CNTNAP5: variants seen among roughly 807,000 people sequenced by gnomAD.
CNTNAP5 encodes the protein contactin associated protein family member 5.
Under a neutral mutation model 150.2 loss-of-function variants are expected in CNTNAP5, and 72 were observed. The ratio of observed to expected loss-of-function variants is 0.48; its 90% CI spans 0.40 to 0.58. The LOEUF (loss-of-function observed/expected upper bound fraction) is 0.58. Ranked by LOEUF, CNTNAP5 falls within the 20% of genes least tolerant of loss-of-function variation. The pLI is 0.00. For synonymous variants in CNTNAP5, 672 were observed against 619.8 expected, an observed-to-expected ratio of 1.08 and a Z score of -1.25; for missense variants, 1,636 against 1,626.2, an observed-to-expected ratio of 1.01 and a Z score of -0.10.
chr2:124,485,599 A>G lies in CNTNAP5; in HGVS notation c.1062+10717A>G, dbSNP rs996938096. On this transcript the variant is annotated intron_variant, in intron 7 of 23. Transcript: ENST00000682447. ...CTGCACTCCAGCCTGGGCGACACAGAAAGACTCTGTCTCAAAAAAAAAAAA... is the reference window on the plus strand; with the variant it reads ...CTGCACTCCAGCCTGGGCGACACAGGAAGACTCTGTCTCAAAAAAAAAAAA... 1.2e-3 allele frequency among the ~76,000 whole-genome samples: 164 copies of G among 135,480 alleles called. 1 individual carries two copies. Among genetic ancestry groups the G allele is most frequent in the Non-Finnish European group, 5.1e-4 (33 of 64,334 alleles). 88.9% of individuals were successfully genotyped at this position (135,480 alleles called of 152,430 possible). A position where few individuals can be genotyped will look rare whatever the true frequency, so the allele number is the denominator to read the frequency against.
At chr2:124,208,668 T>G (rs1489521290) in intron 1 of CNTNAP5, among the ~76,000 whole-genome samples, 1 of 152,180 alleles carries the variant, frequency 6.6e-6, no homozygotes, top group Non-Finnish European at 1.5e-5. Flanking sequence ...TGTCCATTCC[T>G]GACAAATAAA....
At chr2:124,498,304 A>G (rs1694199578) in intron 7 of CNTNAP5, among the ~76,000 whole-genome samples, 1 of 152,188 alleles carries the variant, frequency 6.6e-6, no homozygotes, top group African/African-American at 2.4e-5. Flanking sequence ...TTCTGCAAGA[A>G]AGTTGCAACC....
At chr2:124,385,067 A>G (rs968395662) in intron 3 of CNTNAP5, among the ~76,000 whole-genome samples, 3 of 152,128 alleles carry the variant, frequency 2.0e-5, no homozygotes, top group Admixed American at 1.3e-4. Flanking sequence ...CAGGCACCCA[A>G]CCCTTGAGCA....
intron 1 of CNTNAP5, among the ~76,000 whole-genome samples, chr2:124,080,837 C>T (rs1203891861): frequency 1.3e-5 from 2 of 152,160 alleles, no homozygotes; most frequent in Non-Finnish European, 2.9e-5. Context: ...ACCTTAAAAA[C>T]CATAGACACG....
chr2:124,199,030 C>T (rs1685655687), intron 1 of CNTNAP5, among the ~76,000 whole-genome samples: 1 of 152,136 alleles, frequency 6.6e-6, no homozygotes, highest in South Asian at 2.1e-4. Context: ...CCAATATTCA[C>T]ACGGCAATTA....
chr2:124,744,047 G>A (rs533260352), intron 13 of CNTNAP5, among the ~76,000 whole-genome samples: 1 of 152,204 alleles, frequency 6.6e-6, no homozygotes, highest in East Asian at 1.9e-4. Context: ...TAGCACACTT[G>A]CTGTCCTTAG....
In CNTNAP5 at chr2:124,586,218, C is replaced by G. The variant is rs576506471; in HGVS notation, c.1756+22895C>G. Reference sequence around the variant, plus strand: ...AGGATCAACGAATGAGCTGTGCTATCTTATCTTTAGAGATTATTTTCTAGT... The same window carrying G: ...AGGATCAACGAATGAGCTGTGCTATGTTATCTTTAGAGATTATTTTCTAGT... On this transcript the variant is annotated intron_variant, in intron 11 of 23. Coordinates refer to ENST00000682447, the MANE Select transcript of CNTNAP5 (RefSeq NM_001367498.1). 2.0e-5 allele frequency among the ~76,000 whole-genome samples: 3 copies of G among 152,336 alleles called. No individual in the cohort carries two copies. The East Asian group carries it at 5.8e-4, about 29-fold the overall frequency.
intron 13 of CNTNAP5, among the ~76,000 whole-genome samples, chr2:124,713,461 T>C (rs1269504300): frequency 6.6e-6 from 1 of 150,506 alleles, no homozygotes; most frequent in African/African-American, 2.5e-5. Flanking sequence ...CACTGAAACC[T>C]CCACCTCTCC....
intron 17 of CNTNAP5, among the ~76,000 whole-genome samples, chr2:124,788,603 CTTT>C (rs371311629): frequency 7.3e-6 from 1 of 136,308 alleles, no homozygotes; most frequent in Non-Finnish European, 1.6e-5. Context: ...TTCTTTCTTT[CTTT>C]TTTTTTTTTT....
intron 13 of CNTNAP5, among the ~76,000 whole-genome samples, chr2:124,730,877 A>G (rs1220847515): frequency 6.6e-6 from 1 of 152,050 alleles, no homozygotes; most frequent in Non-Finnish European, 1.5e-5. Context: ...TATTCTTCAG[A>G]TATGGGGCTG....
chr2:124,687,200 T>C (rs974386442), intron 13 of CNTNAP5, among the ~76,000 whole-genome samples: 32 of 152,104 alleles, frequency 2.1e-4, no homozygotes, highest in Admixed American at 5.9e-4. Flanking sequence ...AATCATGGTA[T>C]GTAAGATTGG....
intron 13 of CNTNAP5, among the ~76,000 whole-genome samples, chr2:124,710,416 G>A (rs1043387110): frequency 6.6e-5 from 10 of 152,024 alleles, no homozygotes; most frequent in African/African-American, 1.4e-4. Flanking sequence ...GCTTTTGTAC[G>A]CAACCTGTAA....
At chr2:124,824,379 ATGT>A (rs1319968547) in intron 19 of CNTNAP5, among the ~76,000 whole-genome samples, 3 of 152,178 alleles carry the variant, frequency 2.0e-5, no homozygotes, top group Non-Finnish European at 4.4e-5. Context: ...AGAAAATAGC[ATGT>A]TGTTGGCAGG....
At chr2:124,739,782 A>G (rs1392512945) in intron 13 of CNTNAP5, among the ~76,000 whole-genome samples, 2 of 152,184 alleles carry the variant, frequency 1.3e-5, no homozygotes, top group African/African-American at 2.4e-5. Flanking sequence ...CTCAAATGCC[A>G]TCATTTGCAT....
chr2:124,624,793 G>T (rs1677685402), intron 12 of CNTNAP5, among the ~76,000 whole-genome samples: 1 of 152,176 alleles, frequency 6.6e-6, no homozygotes, highest in Admixed American at 6.5e-5. Flanking sequence ...GGCTGGGGGT[G>T]GTGGGCAGAG....
At chr2:124,655,945 G>GAAAGAA (rs1553427799) in intron 13 of CNTNAP5, among the ~76,000 whole-genome samples, 842 of 55,482 alleles carry the variant, frequency 0.015, 12 homozygotes, top group Middle Eastern at 0.029. Context: ...GAGAGAGAGA[G>GAAAGAA]AGAAAGAAAG....
Position 124,804,758 on chromosome 2 carries a change from T to C in CNTNAP5, c.3217+6438T>C, listed in dbSNP as rs528731447. 2.0e-3 allele frequency among the ~76,000 whole-genome samples: 304 copies of C among 152,292 alleles called. 1 individual carries two copies. Among genetic ancestry groups the C allele is most frequent in the African/African-American group, 6.8e-3 (284 of 41,556 alleles). Reference sequence around the variant, plus strand: ...GTTTGAGAAAATAAATTGTGTTGTCTGAGTCACTCACTCAGTCTATGACAT... The same window carrying C: ...GTTTGAGAAAATAAATTGTGTTGTCCGAGTCACTCACTCAGTCTATGACAT... On this transcript the variant is annotated intron_variant, in intron 19 of 23. Coordinates refer to ENST00000682447, the MANE Select transcript of CNTNAP5 (RefSeq NM_001367498.1).
intron 13 of CNTNAP5, among the ~76,000 whole-genome samples, chr2:124,687,598 G>T (rs1679217841): frequency 1.4e-5 from 2 of 140,906 alleles, no homozygotes; most frequent in South Asian, 4.3e-4. Context: ...ATCACAGGAA[G>T]CAACTTCTAT....
intron 7 of CNTNAP5, among the ~76,000 whole-genome samples, chr2:124,485,352 G>T (rs1348705297): frequency 6.6e-6 from 1 of 152,082 alleles, no homozygotes; most frequent in Non-Finnish European, 1.5e-5. Flanking sequence ...GGTGGCTCAC[G>T]CCTGTAATCC....
Sources: gnomAD v4.1 joint callset for allele counts (sites outside exome capture counted in the v4.1 genomes callset) on GRCh38, gnomAD v4.1.1 for gene constraint, MANE v1.5 for transcripts, NCBI Gene and HGNC (gene_info 2026-07-23, HGNC 2026-07-21) for gene names.